The following TFCP2 variants were observed in gnomAD, a reference collection of about 807,000 sequenced individuals.
TFCP2 encodes alpha-globin transcription factor CP2.
In TFCP2, 33 loss-of-function variants were observed where a neutral mutation model predicts 73.4. That is an observed-to-expected ratio of 0.45 (90% CI 0.34 to 0.60). The LOEUF (loss-of-function observed/expected upper bound fraction) is 0.60. TFCP2 is among the 20% of genes least tolerant of loss of function. TFCP2 has a pLI of 0.01. For synonymous variants in TFCP2, 193 were observed against 211.6 expected, an observed-to-expected ratio of 0.91 and a Z score of 0.76; for missense variants, 352 against 604.0, an observed-to-expected ratio of 0.58 and a Z score of 4.37.
At chr12:51,169,118 A>G (rs909956393) in intron 1 of TFCP2, among the ~76,000 whole-genome samples, 3 of 152,066 alleles carry the variant, frequency 2.0e-5, no homozygotes, top group Non-Finnish European at 4.4e-5. Flanking sequence ...TGTATTTTTA[A>G]TAAGCTGTCC....
chr12:51,122,291 C>CTCTG lies in TFCP2; in HGVS notation c.123-3523_123-3520dup, dbSNP rs553069037. 6.3e-5 allele frequency among the ~76,000 whole-genome samples: 8 copies of CTCTG among 127,132 alleles called. No homozygotes were observed. The South Asian group carries it at 1.9e-3, about 30-fold the overall frequency. The allele number at this position is 127,132 out of a possible 152,430, so 83.4% of individuals were successfully genotyped here. ...TTTTTTTTTTTGAGATAGAGTCTCC[C>CTCTG]TCTGTTACCCAGGCTGGAGTGCAGT... On this transcript the variant is annotated intron_variant, in intron 1 of 14. Coordinates refer to ENST00000257915, the MANE Select transcript of TFCP2 (RefSeq NM_005653.5).
In TFCP2 at chr12:51,172,545, A is replaced by G; in HGVS notation, c.-123T>C. On this transcript the variant is annotated 5_prime_UTR_variant, in exon 1 of 15. Transcript: ENST00000257915. ...AACCAAGGTTTCCCACGCAGTGCCCACCAGCCACCCCCAAGCCCGACCAGC... is the reference window on the plus strand; with the variant it reads ...AACCAAGGTTTCCCACGCAGTGCCCGCCAGCCACCCCCAAGCCCGACCAGC... 7.5e-7 allele frequency: 1 copy of G among 1,339,784 alleles called. No homozygotes were observed. The allele number at this position is 1,339,784 out of a possible 1,614,324, so 83.0% of individuals were successfully genotyped here. A position where few individuals can be genotyped will look rare whatever the true frequency, so the allele number is the denominator to read the frequency against.
intron 1 of TFCP2, among the ~76,000 whole-genome samples, chr12:51,162,143 G>A (rs1029369429): frequency 5.3e-5 from 8 of 151,794 alleles, no homozygotes; most frequent in Non-Finnish European, 1.2e-4. Context: ...AAAAAAAAAC[G>A]AACAAAGAAA....
In TFCP2 at chr12:51,126,056, C is replaced by T. The variant is rs144871004; in HGVS notation, c.123-7284G>A. Among the ~76,000 whole-genome samples, 889 of 151,810 alleles carry T rather than the reference C, an allele frequency of 5.9e-3. 6 individuals carry two copies. Among genetic ancestry groups the T allele is most frequent in the African/African-American group, 0.019 (778 of 41,398 alleles). ...CCATCCTGGCTAACATGGTGAAACC[C>T]CATCTCTACTAAAAAAGACAACAAA... On this transcript the variant is annotated intron_variant, in intron 1 of 14. Coordinates refer to ENST00000257915, the MANE Select transcript of TFCP2 (RefSeq NM_005653.5).
At chr12:51,117,904 G>A (rs956959812) in intron 2 of TFCP2, among the ~76,000 whole-genome samples, 157 bp from the exon 3 acceptor site, 1 of 152,170 alleles carries the variant, frequency 6.6e-6, no homozygotes, top group African/African-American at 2.4e-5. Context: ...TCAGCACTGT[G>A]CTAAGTATTG....
At chr12:51,142,745 C>T (rs187414666) in intron 1 of TFCP2, among the ~76,000 whole-genome samples, 8 of 152,320 alleles carry the variant, frequency 5.3e-5, no homozygotes, top group Admixed American at 3.9e-4. Flanking sequence ...TGCTATACTT[C>T]TCTGTACCTT....
At chr12:51,150,596 C>T (rs1565575082) in intron 1 of TFCP2, among the ~76,000 whole-genome samples, 1 of 151,888 alleles carries the variant, frequency 6.6e-6, no homozygotes, top group Non-Finnish European at 1.5e-5. Context: ...TAACAACTGA[C>T]CAACTCTGAG....
chr12:51,169,209 G>A lies in TFCP2; in HGVS notation c.122+3092C>T, dbSNP rs550931716. On this transcript the variant is annotated intron_variant, in intron 1 of 14. Transcript: ENST00000257915. ...AATAGAATAGATTAAATGTGTATAA[G>A]TCAAGAGAGCTGGGTGCAGTGGCTC... Among the ~76,000 whole-genome samples, 10 of 152,108 alleles carry A rather than the reference G, an allele frequency of 6.6e-5. No individual in the cohort carries two copies. The East Asian group carries it at 1.7e-3, about 27-fold the overall frequency.
At chr12:51,111,810 G>C (rs1053021979) in intron 4 of TFCP2, among the ~76,000 whole-genome samples, 4 of 150,456 alleles carry the variant, frequency 2.7e-5, no homozygotes, top group Admixed American at 6.6e-5. Flanking sequence ...GCCGGAGATC[G>C]AGCCACTGCA....
chr12:51,095,889 A>T, intron 14 of TFCP2, 100 bp downstream of exon 14: 1 of 827,146 alleles, frequency 1.2e-6, no homozygotes, highest in Non-Finnish European at 1.9e-6. Context: ...TTACCCAAAT[A>T]TGGTTACTTT....
At chr12:51,140,445 C>CTTTCT in intron 1 of TFCP2, among the ~76,000 whole-genome samples, 1 of 88,036 alleles carries the variant, frequency 1.1e-5, no homozygotes, top group Non-Finnish European at 2.1e-5. Context: ...TTTTCTTTTT[C>CTTTCT]TTTTTTTTTT....
intron 1 of TFCP2, among the ~76,000 whole-genome samples, chr12:51,159,185 A>AC (rs1454548260): frequency 2.0e-5 from 3 of 147,314 alleles, no homozygotes; most frequent in Non-Finnish European, 4.5e-5. Context: ...TCTCAAAAAA[A>AC]AAAGAAAAAG....
rs569645228 is a variant in TFCP2, at chr12:51,129,190, C to T, written c.123-10418G>A. Among the ~76,000 whole-genome samples, 185 of 152,090 alleles carry T rather than the reference C, an allele frequency of 1.2e-3. 1 individual carries two copies. The highest frequency in any genetic ancestry group is 4.0e-3 in the African/African-American group (166 of 41,504). On this transcript the variant is annotated intron_variant, in intron 1 of 14. Coordinates refer to ENST00000257915, the MANE Select transcript of TFCP2 (RefSeq NM_005653.5). ...AGACTACATTTGAATATACTTAGTT[C>T]TGAGTGTACAAATTTGAGAGGACTT...
intron 9 of TFCP2, 146 bp from the exon 10 acceptor site, chr12:51,103,909 C>T: frequency 1.4e-6 from 1 of 722,838 alleles, no homozygotes; most frequent in Non-Finnish European, 2.3e-6. Flanking sequence ...ATGCAAGATG[C>T]TCAAGGAGTT....
At chr12:51,142,064 G>A (rs537817724) in intron 1 of TFCP2, among the ~76,000 whole-genome samples, 3 of 151,502 alleles carry the variant, frequency 2.0e-5, no homozygotes, top group South Asian at 2.1e-4. Flanking sequence ...TTAGCCAGGC[G>A]TGGTGGTGCA....
chr12:51,125,740 T>G (rs140478270), intron 1 of TFCP2, among the ~76,000 whole-genome samples: 1 of 152,346 alleles, frequency 6.6e-6, no homozygotes, highest in Non-Finnish European at 1.5e-5. Flanking sequence ...TACTCAGCAC[T>G]ATATACACTA....
chr12:51,136,216 G>A (rs559907341), intron 1 of TFCP2, among the ~76,000 whole-genome samples: 3 of 151,434 alleles, frequency 2.0e-5, no homozygotes, highest in Non-Finnish European at 4.4e-5. Flanking sequence ...GGCTGAGGCA[G>A]GAGAATCTCT....
chr12:51,156,826 C>T (rs1684303339), intron 1 of TFCP2: 1 of 151,952 alleles, frequency 6.6e-6, no homozygotes, highest in African/African-American at 2.4e-5. Flanking sequence ...TCTAGGTTAC[C>T]CAATTTGTTG....
Position 51,104,991 on chromosome 12 carries a change from C to T in TFCP2, c.918-788G>A, listed in dbSNP as rs1030981767. Among the ~76,000 whole-genome samples, 7 of 151,840 alleles carry T rather than the reference C, an allele frequency of 4.6e-5. No homozygotes were observed. The South Asian group carries it at 1.0e-3, about 23-fold the overall frequency. ...CCTCCCAAAGTGCTGGGATTACAGG[C>T]GTGAGCCACCGCGCCCGGCAAAAAA... is the stretch of plus-strand genomic sequence containing the variant. On this transcript the variant is annotated intron_variant, in intron 8 of 14. Transcript: ENST00000257915.
Sources: allele counts gnomAD v4.1 joint callset (sites outside exome capture counted in the v4.1 genomes callset), GRCh38; gene constraint gnomAD v4.1.1; transcripts MANE v1.5; gene names NCBI Gene and HGNC (gene_info 2026-07-23, HGNC 2026-07-21).